The following LARGE1 variants were observed in gnomAD, a reference collection of about 807,000 sequenced individuals.
The protein encoded by LARGE1 is xylosyl- and glucuronyltransferase LARGE1.
A neutral mutation model predicts 87.6 loss-of-function variants in LARGE1; 43 were observed. That is an observed-to-expected ratio of 0.49 (90% CI 0.38 to 0.63). The LOEUF is 0.63. LARGE1 is among the 30% of genes least tolerant of loss of function. The pLI, the probability that LARGE1 is intolerant of heterozygous loss-of-function variation, is 0.00. For synonymous variants in LARGE1, 434 were observed against 394.6 expected, an observed-to-expected ratio of 1.10 and a Z score of -1.18; for missense variants, 802 against 1,000.2, an observed-to-expected ratio of 0.80 and a Z score of 2.67.
intron 1 of LARGE1, among the ~76,000 whole-genome samples, chr22:33,792,881 G>A (rs141120009): frequency 4.1e-4 from 62 of 152,240 alleles, no homozygotes; most frequent in Middle Eastern, 3.4e-3. Flanking sequence ...CCCCAGCCAC[G>A]GGAAAAAGAA....
intron 6 of LARGE1, among the ~76,000 whole-genome samples, chr22:33,539,058 C>T (rs939256646): frequency 5.9e-5 from 9 of 152,058 alleles, no homozygotes; most frequent in East Asian, 1.9e-4. Context: ...TATTGTTTTA[C>T]GAAAATATTG....
chr22:33,539,872 A>G (rs2267228), intron 6 of LARGE1, among the ~76,000 whole-genome samples: 84,616 of 151,824 alleles, frequency 0.56, 23,947 homozygotes, highest in Admixed American at 0.65. Flanking sequence ...GAGCCACTGC[A>G]CCCGGCCCTC....
chr22:33,407,877 C>T (rs1178126218), intron 7 of LARGE1, among the ~76,000 whole-genome samples: 2 of 152,164 alleles, frequency 1.3e-5, no homozygotes, highest in East Asian at 3.9e-4. Context: ...AGCAGAGAGA[C>T]ACTCTGTAAA....
At chr22:33,418,136 A>G (rs1292403442) in intron 7 of LARGE1, among the ~76,000 whole-genome samples, 4 of 152,062 alleles carry the variant, frequency 2.6e-5, no homozygotes, top group Non-Finnish European at 5.9e-5. Context: ...TTTAGTAGAG[A>G]CGAGGTTTCA....
intron 2 of LARGE1, among the ~76,000 whole-genome samples, chr22:33,747,168 C>CA (rs1250565790): frequency 6.6e-6 from 1 of 152,194 alleles, no homozygotes; most frequent in Non-Finnish European, 1.5e-5. Flanking sequence ...CTTTGATTAG[C>CA]AGCTAAAGGC....
chr22:33,560,817 CTT>C (rs10710316), intron 6 of LARGE1, among the ~76,000 whole-genome samples: 57 of 142,306 alleles, frequency 4.0e-4, no homozygotes, highest in Non-Finnish European at 4.7e-4. Flanking sequence ...GTTTATTTAA[CTT>C]TTTTTTTTTT....
intron 7 of LARGE1, among the ~76,000 whole-genome samples, chr22:33,421,478 A>G (rs1257406183): frequency 6.6e-6 from 1 of 152,220 alleles, no homozygotes; most frequent in Non-Finnish European, 1.5e-5. Flanking sequence ...CAGTCTCTTA[A>G]TAGCAAAAAT....
chr22:33,913,357 C>T (rs1037539745), intron 1 of LARGE1, among the ~76,000 whole-genome samples: 1 of 152,120 alleles, frequency 6.6e-6, no homozygotes, highest in African/African-American at 2.4e-5. Flanking sequence ...TATCTCCAGG[C>T]AGAACAGTAG....
chr22:33,645,413 C>A (rs2080577242), intron 3 of LARGE1, among the ~76,000 whole-genome samples: 1 of 152,176 alleles, frequency 6.6e-6, no homozygotes, highest in African/African-American at 2.4e-5. Context: ...AAACTGGACC[C>A]CTTCCTTACA....
intron 1 of LARGE1, among the ~76,000 whole-genome samples, chr22:33,762,500 G>A (rs942132246): frequency 6.6e-6 from 1 of 152,092 alleles, no homozygotes. Context: ...CATGTGCATG[G>A]GACTGTACCC....
chr22:33,378,846 T>C (rs749492923), intron 9 of LARGE1, among the ~76,000 whole-genome samples: 3 of 152,172 alleles, frequency 2.0e-5, no homozygotes, highest in African/African-American at 4.8e-5. Flanking sequence ...TTGCTGTAAA[T>C]CAAGGATTCC....
At chr22:33,430,933 G>A (rs1215022733) in intron 7 of LARGE1, among the ~76,000 whole-genome samples, 1 of 149,610 alleles carries the variant, frequency 6.7e-6, no homozygotes. Flanking sequence ...TCCAGGGCAG[G>A]CTTCACTTAT....
At chr22:33,772,994 T>C (rs2085120209) in intron 1 of LARGE1, among the ~76,000 whole-genome samples, 1 of 152,146 alleles carries the variant, frequency 6.6e-6, no homozygotes, top group South Asian at 2.1e-4. Context: ...ACATGAGAAA[T>C]GGAATCCACA....
chr22:33,717,576 G>C lies in LARGE1; in HGVS notation c.106+43795C>G, dbSNP rs74763073. Among the ~76,000 whole-genome samples the C allele has an allele frequency of 4.5e-3, 689 of 152,232 alleles. 3 individuals are homozygous for C. Among genetic ancestry groups the C allele is most frequent in the African/African-American group, 0.01 (422 of 41,540 alleles). On this transcript the variant is annotated intron_variant, in intron 2 of 14. Transcript: ENST00000397394. Reference sequence around the variant, plus strand: ...CGTAAAGATCAATAAATCCACTTGAGAACACTCAAATCCCCACAGTGGAAT... The same window carrying C: ...CGTAAAGATCAATAAATCCACTTGACAACACTCAAATCCCCACAGTGGAAT...
At chr22:33,317,238 A>C (rs1002983130) in intron 10 of LARGE1, among the ~76,000 whole-genome samples, 3 of 152,092 alleles carry the variant, frequency 2.0e-5, no homozygotes, top group Non-Finnish European at 4.4e-5. Flanking sequence ...AACAAACAAA[A>C]AACAAATAAA....
chr22:33,424,450 A>G (rs1486152330), intron 7 of LARGE1, among the ~76,000 whole-genome samples: 1 of 152,216 alleles, frequency 6.6e-6, no homozygotes, highest in Non-Finnish European at 1.5e-5. Context: ...GCAATGACAC[A>G]CAGCAGAGTG....
intron 6 of LARGE1, among the ~76,000 whole-genome samples, chr22:33,454,069 C>A (rs932635090): frequency 6.2e-4 from 95 of 152,198 alleles, no homozygotes; most frequent in African/African-American, 2.2e-3. Context: ...GTGTTCTGGC[C>A]CTGATTTAAC....
chr22:33,450,057 A>G (rs1601889641), intron 6 of LARGE1, among the ~76,000 whole-genome samples: 2 of 151,592 alleles, frequency 1.3e-5, no homozygotes. Flanking sequence ...AACTACAGGC[A>G]CCCGCCACCA....
chr22:33,431,514 A>G (rs1375949486), intron 7 of LARGE1, among the ~76,000 whole-genome samples: 1 of 152,128 alleles, frequency 6.6e-6, no homozygotes, highest in East Asian at 1.9e-4. Flanking sequence ...TGTGGTCCTC[A>G]AAAGTGCTGA....
Sources: allele counts gnomAD v4.1 joint callset (sites outside exome capture counted in the v4.1 genomes callset), GRCh38; gene constraint gnomAD v4.1.1; transcripts MANE v1.5; gene names NCBI Gene and HGNC (gene_info 2026-07-23, HGNC 2026-07-21).